MICU3: variants seen among roughly 807,000 people sequenced by gnomAD.
MICU3 encodes the protein calcium uptake protein 3, mitochondrial.
In MICU3, 62 loss-of-function variants were observed where a neutral mutation model predicts 66.5. The observed-to-expected ratio is 0.93, with a 90% CI of 0.76 to 1.15. MICU3 has a LOEUF of 1.15. MICU3 is among the 50% of genes most tolerant of loss of function. MICU3 has a pLI of 0.00. For missense variants in MICU3, 779 were observed against 664.4 expected, an observed-to-expected ratio of 1.17 and a Z score of -1.90; for synonymous variants, 308 against 240.7, an observed-to-expected ratio of 1.28 and a Z score of -2.59.
At chr8:17,091,160 C>A (rs780088960) in intron 8 of MICU3, among the ~76,000 whole-genome samples, 27 of 152,170 alleles carry the variant, frequency 1.8e-4, no homozygotes, top group South Asian at 1.0e-3. Flanking sequence ...GACTTTCAGA[C>A]TTTTCTTGTC....
At chr8:17,069,632 G>C in intron 2 of MICU3, 56 bp from the exon 3 acceptor site, 1 of 1,122,984 alleles carries the variant, frequency 8.9e-7, no homozygotes, top group South Asian at 1.4e-5. Context: ...AGCAAATATG[G>C]ATATATATTC....
intron 6 of MICU3, among the ~76,000 whole-genome samples, chr8:17,085,595 A>T (rs1389761283): frequency 2.6e-5 from 4 of 152,120 alleles, no homozygotes; most frequent in African/African-American, 9.7e-5. Context: ...GATAACAGGC[A>T]GTCCTCAGGT....
chr8:17,053,881 T>TTAC (rs1382082602), intron 1 of MICU3, among the ~76,000 whole-genome samples: 1 of 152,158 alleles, frequency 6.6e-6, no homozygotes, highest in Non-Finnish European at 1.5e-5. Context: ...TCCTAGAAGG[T>TTAC]GTAAGGTGTA....
At chr8:17,063,989 T>C in intron 1 of MICU3, 95 bp from the exon 2 acceptor site, 1 of 828,614 alleles carries the variant, frequency 1.2e-6, no homozygotes, top group Non-Finnish European at 1.8e-6. Context: ...CTTCCTCATT[T>C]ACTCTGTTTA....
At chr8:17,061,802 C>G (rs1050268376) in intron 1 of MICU3, among the ~76,000 whole-genome samples, 23 of 152,176 alleles carry the variant, frequency 1.5e-4, no homozygotes, top group African/African-American at 5.6e-4. Flanking sequence ...TACAAGGGGA[C>G]TAAGATGGTA....
intron 3 of MICU3, among the ~76,000 whole-genome samples, chr8:17,077,450 A>G (rs1298029981): frequency 6.6e-6 from 1 of 152,172 alleles, no homozygotes; most frequent in Non-Finnish European, 1.5e-5. Flanking sequence ...TTTTCCTAAA[A>G]CGATTCCTTT....
At chr8:17,059,614 A>C (rs1047188606) in intron 1 of MICU3, among the ~76,000 whole-genome samples, 2 of 152,192 alleles carry the variant, frequency 1.3e-5, no homozygotes, top group African/African-American at 4.8e-5. Context: ...ATCTGAGAAA[A>C]AAGTTTAGTG....
chr8:17,088,792 C>G (rs952989754), intron 7 of MICU3, among the ~76,000 whole-genome samples: 10 of 151,780 alleles, frequency 6.6e-5, no homozygotes, highest in African/African-American at 2.2e-4. Context: ...CTGAGAAAAC[C>G]TACAGTGTTA....
intron 11 of MICU3, among the ~76,000 whole-genome samples, chr8:17,108,194 G>A (rs551851083): frequency 1.3e-5 from 2 of 152,246 alleles, no homozygotes; most frequent in South Asian, 2.1e-4. Context: ...GGAATCAAGA[G>A]TTTTATTAGG....
In MICU3 at chr8:17,028,844, T is replaced by A. The variant is rs571829731; in HGVS notation, c.381+1184T>A. ...TGTGGCTTGGCAAGGAGCATAGCGT[T>A]TTTCATGATGGCAGAACTTTTAATT... is the stretch of plus-strand genomic sequence containing the variant. On this transcript the variant is annotated intron_variant, in intron 1 of 14. Transcript: ENST00000318063. Among the ~76,000 whole-genome samples, 3 of 152,308 alleles carry A rather than the reference T, an allele frequency of 2.0e-5. No individual in the cohort carries two copies. The South Asian group carries it at 6.2e-4, about 32-fold the overall frequency.
At chr8:17,041,287 T>C (rs1171600154) in intron 1 of MICU3, among the ~76,000 whole-genome samples, 1 of 147,204 alleles carries the variant, frequency 6.8e-6, no homozygotes, top group Non-Finnish European at 1.5e-5. Context: ...AAAAAAAAAG[T>C]CAGGGGGCCA....
intron 9 of MICU3, among the ~76,000 whole-genome samples, chr8:17,100,675 C>G (rs1205135340): frequency 6.6e-6 from 1 of 151,060 alleles, no homozygotes; most frequent in African/African-American, 2.4e-5. Flanking sequence ...GGTTATTAGC[C>G]CCTCATATTC....
At chr8:17,134,646 A>G in the MICU3 span, among the ~76,000 whole-genome samples, 83 of 152,224 alleles carry the variant, frequency 5.5e-4, no homozygotes, top group African/African-American at 1.6e-3. Flanking sequence ...GGGTTTCACC[A>G]TGTTAGCCAG....
intron 9 of MICU3, among the ~76,000 whole-genome samples, chr8:17,100,127 C>G (rs147148557): frequency 2.0e-5 from 3 of 151,768 alleles, no homozygotes; most frequent in East Asian, 3.9e-4. Context: ...ACTCAACATT[C>G]TGTGACACCC....
intron 2 of MICU3, among the ~76,000 whole-genome samples, chr8:17,069,408 T>TA (rs1819204215): frequency 6.6e-6 from 1 of 152,102 alleles, no homozygotes; most frequent in Admixed American, 6.6e-5. Context: ...AAAGTTAGCT[T>TA]ACTTTATTAG....
At chr8:17,052,928 A>G (rs981770017) in intron 1 of MICU3, among the ~76,000 whole-genome samples, 2 of 152,154 alleles carry the variant, frequency 1.3e-5, no homozygotes, top group African/African-American at 4.8e-5. Context: ...TAGAAATATA[A>G]ATTTGCAAGA....
intron 1 of MICU3, among the ~76,000 whole-genome samples, chr8:17,050,505 A>T (rs551093517): frequency 6.6e-6 from 1 of 152,202 alleles, no homozygotes; most frequent in East Asian, 1.9e-4. Context: ...CCTGTTTATT[A>T]AAAGCAAAAT....
At chr8:17,132,016 G>C in the MICU3 span, 1 of 152,038 alleles carries the variant, frequency 6.6e-6, no homozygotes, top group Admixed American at 6.6e-5. Flanking sequence ...CACCTAACAG[G>C]ATACTCATCA....
At chr8:17,106,149 GA>G (rs373120619) in intron 11 of MICU3, among the ~76,000 whole-genome samples, 374 of 152,110 alleles carry the variant, frequency 2.5e-3, no homozygotes, top group African/African-American at 8.6e-3. Flanking sequence ...AGTGGTATTT[GA>G]ATGCATCATT....
Sources: allele counts gnomAD v4.1 joint callset (sites outside exome capture counted in the v4.1 genomes callset), GRCh38; gene constraint gnomAD v4.1.1; transcripts MANE v1.5; gene names NCBI Gene and HGNC (gene_info 2026-07-23, HGNC 2026-07-21).